The following RORA variants were observed in gnomAD, a reference collection of about 807,000 sequenced individuals.
The protein encoded by RORA is nuclear receptor ROR-alpha.
In RORA, 7 loss-of-function variants were observed where a neutral mutation model predicts 69.5. The observed-to-expected ratio is 0.10, with a 90% CI of 0.06 to 0.19. The LOEUF (loss-of-function observed/expected upper bound fraction) is 0.19, where lower values mean the gene tolerates loss of function less well. Among genes scored for constraint, RORA ranks in the 10% least tolerant of loss-of-function variants. The pLI, the probability that RORA is intolerant of heterozygous loss-of-function variation, is 1.00. For missense variants in RORA, 457 were observed against 663.0 expected (o/e 0.69, Z 3.41); for synonymous variants, 261 against 240.8 (o/e 1.08, Z -0.78).
intron 4 of RORA, among the ~76,000 whole-genome samples, chr15:60,513,635 G>A (rs939192923): frequency 2.0e-5 from 3 of 152,212 alleles, no homozygotes; most frequent in Admixed American, 6.5e-5. Flanking sequence ...TGAGAATATG[G>A]TGGAAGTTCT....
intron 2 of RORA, among the ~76,000 whole-genome samples, chr15:60,657,412 C>G (rs1353029481): frequency 9.9e-5 from 15 of 152,154 alleles, no homozygotes. Context: ...GACAATGGGA[C>G]AAACCATATT....
intron 1 of RORA, among the ~76,000 whole-genome samples, chr15:60,699,451 G>T (rs1292762190): frequency 6.6e-6 from 1 of 152,072 alleles, no homozygotes; most frequent in Non-Finnish European, 1.5e-5. Context: ...CTCCCGAGAG[G>T]TATGTCACTG....
chr15:60,591,755 C>G (rs111902050), intron 2 of RORA, among the ~76,000 whole-genome samples: 7,677 of 152,194 alleles, frequency 0.05, 264 homozygotes, highest in East Asian at 0.13. Flanking sequence ...TCGAGGCGCC[C>G]GTCTCGCTCC....
At chr15:60,939,028 GC>G (rs1239067585) in intron 1 of RORA, among the ~76,000 whole-genome samples, 8 of 152,186 alleles carry the variant, frequency 5.3e-5, no homozygotes, top group Non-Finnish European at 8.8e-5. Context: ...ATTTGCTCAG[GC>G]CATTGCTCGT....
intron 1 of RORA, among the ~76,000 whole-genome samples, chr15:60,820,892 G>A (rs1168089497): frequency 6.6e-6 from 1 of 152,164 alleles, no homozygotes; most frequent in African/African-American, 2.4e-5. Context: ...AGATTCCAAA[G>A]TCCTTCCCTG....
At chr15:61,155,275 T>G (rs2079432615) in intron 1 of RORA, among the ~76,000 whole-genome samples, 1 of 152,214 alleles carries the variant, frequency 6.6e-6, no homozygotes, top group African/African-American at 2.4e-5. Flanking sequence ...ATCAGCATGT[T>G]ACTTCAAAAA....
intron 1 of RORA, among the ~76,000 whole-genome samples, chr15:61,038,068 A>C (rs1266989810): frequency 6.6e-6 from 1 of 152,234 alleles, no homozygotes; most frequent in Non-Finnish European, 1.5e-5. Context: ...TTAAAAAAAA[A>C]CCAAGTATGA....
chr15:60,540,568 C>G (rs547891488), intron 2 of RORA, among the ~76,000 whole-genome samples: 1 of 55,882 alleles, frequency 1.8e-5, no homozygotes, highest in Non-Finnish European at 4.5e-5. Flanking sequence ...TCCATGACCC[C>G]CCCCCCCCAA....
At chr15:60,556,776 G>C in intron 2 of RORA, 1 of 1,103,106 alleles carries the variant, frequency 9.1e-7, no homozygotes, top group Non-Finnish European at 1.3e-6. Context: ...CTCCATCTTT[G>C]ATTCAAACCT....
intron 1 of RORA, among the ~76,000 whole-genome samples, chr15:60,701,338 T>C (rs1182422182): frequency 6.6e-6 from 1 of 152,102 alleles, no homozygotes; most frequent in Non-Finnish European, 1.5e-5. Context: ...CTAGAAGTAG[T>C]GTAAAAAAAG....
chr15:60,612,763 T>A (rs185047496), intron 2 of RORA, among the ~76,000 whole-genome samples: 1 of 151,942 alleles, frequency 6.6e-6, no homozygotes. Context: ...TTTAAGGGCT[T>A]TGGATTTACT....
At chr15:61,022,223 T>A (rs967335318) in intron 1 of RORA, among the ~76,000 whole-genome samples, 2 of 152,168 alleles carry the variant, frequency 1.3e-5, no homozygotes, top group Admixed American at 1.3e-4. Context: ...AAAATAAATT[T>A]CCCTACAGGG....
chr15:61,121,700 G>C (rs2079106306), intron 1 of RORA, among the ~76,000 whole-genome samples: 1 of 152,014 alleles, frequency 6.6e-6, no homozygotes, highest in South Asian at 2.1e-4. Context: ...TTCATGAGCA[G>C]GTAACGAAGC....
intron 1 of RORA, among the ~76,000 whole-genome samples, chr15:60,949,465 C>T (rs914788180): frequency 3.9e-5 from 6 of 152,186 alleles, no homozygotes; most frequent in East Asian, 1.9e-4. Flanking sequence ...TCACTACACA[C>T]GTGAAAATGC....
chr15:61,030,252 G>A (rs1438834848), intron 1 of RORA, among the ~76,000 whole-genome samples: 3 of 152,142 alleles, frequency 2.0e-5, no homozygotes, highest in Non-Finnish European at 2.9e-5. Context: ...GACAATGGGT[G>A]AAACTTGAAC....
intron 1 of RORA, among the ~76,000 whole-genome samples, chr15:61,135,327 T>A (rs2079227520): frequency 6.6e-6 from 1 of 151,826 alleles, no homozygotes; most frequent in Non-Finnish European, 1.5e-5. Context: ...AGAGACTCTG[T>A]CTCAAAATAA....
chr15:60,935,664 C>G (rs1042086227), intron 1 of RORA, among the ~76,000 whole-genome samples: 1 of 152,192 alleles, frequency 6.6e-6, no homozygotes, highest in African/African-American at 2.4e-5. Context: ...TTTGCTTAAC[C>G]GGCCTTGAGG....
chr15:61,117,526 C>T (rs974206883), intron 1 of RORA, among the ~76,000 whole-genome samples: 1 of 152,158 alleles, frequency 6.6e-6, no homozygotes, highest in Non-Finnish European at 1.5e-5. Context: ...AGCAAATATT[C>T]GGCCTTTTCT....
At chr15:61,088,332 CTG>C (rs2078655610) in intron 1 of RORA, among the ~76,000 whole-genome samples, 2 of 152,126 alleles carry the variant, frequency 1.3e-5, no homozygotes, top group African/African-American at 4.8e-5. Flanking sequence ...GTGTGTGTCT[CTG>C]TGTTTGTGTT....
Sources: allele counts gnomAD v4.1 joint callset (sites outside exome capture counted in the v4.1 genomes callset), GRCh38; gene constraint gnomAD v4.1.1; transcripts MANE v1.5; gene names NCBI Gene and HGNC (gene_info 2026-07-23, HGNC 2026-07-21).